The following TSNARE1 variants were observed in gnomAD, a reference collection of about 807,000 sequenced individuals.
TSNARE1 encodes the protein t-SNARE domain-containing protein 1.
A neutral mutation model predicts 62.0 loss-of-function variants in TSNARE1; 49 were observed. The ratio of observed to expected loss-of-function variants is 0.79; its 90% CI spans 0.63 to 1.00. The LOEUF is 1.00. TSNARE1 is among the 50% of genes least tolerant of loss of function. TSNARE1 has a pLI of 0.00. For missense variants in TSNARE1, 755 were observed against 700.1 expected (o/e 1.08, Z -0.88); for synonymous variants, 328 against 294.4 (o/e 1.11, Z -1.17).
At chr8:142,330,763 C>T (rs991454565) in intron 6 of TSNARE1, 138 bp downstream of exon 6, 202 of 805,216 alleles carry the variant, frequency 2.5e-4, no homozygotes, top group East Asian at 5.5e-4. Flanking sequence ...TGCATATGTG[C>T]GCACATGTGT....
At chr8:142,353,416 G>T (rs192717839) in intron 2 of TSNARE1, among the ~76,000 whole-genome samples, 1 of 152,162 alleles carries the variant, frequency 6.6e-6, no homozygotes, top group Non-Finnish European at 1.5e-5. Context: ...AGGCCAGCCC[G>T]GCACTCCCAG....
intron 10 of TSNARE1, among the ~76,000 whole-genome samples, chr8:142,285,006 T>G (rs1021030630): frequency 6.6e-6 from 1 of 152,222 alleles, no homozygotes; most frequent in Non-Finnish European, 1.5e-5. Flanking sequence ...ACACAGGCAC[T>G]GCTCAGCAAA....
chr8:142,222,193 T>G (rs1411571933), intron 13 of TSNARE1, among the ~76,000 whole-genome samples: 1 of 58,140 alleles, frequency 1.7e-5, no homozygotes, highest in Admixed American at 1.6e-4. Flanking sequence ...CACTCACTCA[T>G]TCACTCACTC....
At chr8:142,256,632 C>G (rs1049741698) in intron 12 of TSNARE1, among the ~76,000 whole-genome samples, 9 of 151,384 alleles carry the variant, frequency 5.9e-5, no homozygotes, top group Non-Finnish European at 1.2e-4. Flanking sequence ...ACCACCACCA[C>G]AATCAGCAGA....
chr8:142,351,903 CA>C (rs1348888347), intron 2 of TSNARE1, among the ~76,000 whole-genome samples: 1 of 152,228 alleles, frequency 6.6e-6, no homozygotes, highest in Non-Finnish European at 1.5e-5. Flanking sequence ...CACCCCACCT[CA>C]CACCGTAAAC....
chr8:142,228,520 G>A (rs530721432), intron 13 of TSNARE1, among the ~76,000 whole-genome samples: 131 of 152,318 alleles, frequency 8.6e-4, no homozygotes, highest in African/African-American at 2.8e-3. Flanking sequence ...TCTCCGGTCC[G>A]AATGCACACT....
At chr8:142,335,450 T>C (rs1563936919) in intron 4 of TSNARE1, among the ~76,000 whole-genome samples, 1 of 152,158 alleles carries the variant, frequency 6.6e-6, no homozygotes, top group Non-Finnish European at 1.5e-5. Flanking sequence ...CAGGACATGA[T>C]ACGGTGCTAC....
intron 1 of TSNARE1, among the ~76,000 whole-genome samples, chr8:142,357,262 T>C (rs1206440155): frequency 6.6e-6 from 1 of 152,150 alleles, no homozygotes; most frequent in Non-Finnish European, 1.5e-5. Flanking sequence ...ACAAGCCGTC[T>C]TGGGTGAGGG....
chr8:142,222,688 TCACTCACTCATC>T (rs1816419559), intron 13 of TSNARE1, among the ~76,000 whole-genome samples: 2 of 59,986 alleles, frequency 3.3e-5, no homozygotes, highest in African/African-American at 9.8e-5. Flanking sequence ...ACTCATCCAC[TCACTCACTCATC>T]CACTCACTCA....
intron 12 of TSNARE1, chr8:142,271,754 A>G (rs1819586058): frequency 8.2e-7 from 1 of 1,223,486 alleles, no homozygotes; most frequent in Non-Finnish European, 1.1e-6. Context: ...CTGGAGGGTG[A>G]GCAGGGTGCA....
chr8:142,317,302 G>T (rs1398456300), intron 7 of TSNARE1, among the ~76,000 whole-genome samples: 1 of 135,036 alleles, frequency 7.4e-6, no homozygotes, highest in African/African-American at 2.8e-5. Flanking sequence ...AGCGGGTATG[G>T]CCAGCGGCTC....
intron 10 of TSNARE1, among the ~76,000 whole-genome samples, chr8:142,287,738 G>T (rs1446668137): frequency 7.1e-6 from 1 of 141,732 alleles, no homozygotes; most frequent in Admixed American, 7.1e-5. Flanking sequence ...AGGGACAGTG[G>T]GCCGCCCTCC....
intron 1 of TSNARE1, among the ~76,000 whole-genome samples, chr8:142,382,566 C>T (rs1165508591): frequency 6.6e-6 from 1 of 152,162 alleles, no homozygotes; most frequent in African/African-American, 2.4e-5. Flanking sequence ...TCATGCTGTG[C>T]CCTCAGGCAG....
chr8:142,354,553 G>A, intron 2 of TSNARE1, 84 bp downstream of exon 2: 1 of 953,590 alleles, frequency 1.0e-6, no homozygotes, highest in Non-Finnish European at 1.6e-6. Flanking sequence ...CTGGTTTCCA[G>A]CCATCAGCAT....
chr8:142,278,748 C>T (rs934299951), intron 11 of TSNARE1: 5 of 985,296 alleles, frequency 5.1e-6, no homozygotes, highest in Non-Finnish European at 4.8e-6. Flanking sequence ...GGGGGCACAG[C>T]GTGCCTGACA....
At chr8:142,358,722 G>A (rs991993700) in intron 1 of TSNARE1, among the ~76,000 whole-genome samples, 5 of 151,002 alleles carry the variant, frequency 3.3e-5, no homozygotes, top group African/African-American at 4.9e-5. Flanking sequence ...GCCTATTCAC[G>A]GCCCCGCCCA....
At chr8:142,292,300 T>C (rs930504614) in intron 10 of TSNARE1, among the ~76,000 whole-genome samples, 1 of 152,142 alleles carries the variant, frequency 6.6e-6, no homozygotes, top group Non-Finnish European at 1.5e-5. Context: ...ACCCACGAGC[T>C]TCCCCCGTGG....
intron 10 of TSNARE1, among the ~76,000 whole-genome samples, chr8:142,293,401 G>A (rs9644546): frequency 0.24 from 36,423 of 152,226 alleles, 4,932 homozygotes; most frequent in African/African-American, 0.36. Context: ...CCTGGCGCGG[G>A]TTCTTCCCAG....
intron 1 of TSNARE1, among the ~76,000 whole-genome samples, chr8:142,392,946 A>C (rs1837641654): frequency 7.0e-6 from 1 of 142,708 alleles, no homozygotes; most frequent in Non-Finnish European, 1.5e-5. Flanking sequence ...AAGGAGAAAA[A>C]GAAAAAAAAA....
Sources: gnomAD v4.1 joint callset for allele counts (sites outside exome capture counted in the v4.1 genomes callset) on GRCh38, gnomAD v4.1.1 for gene constraint, MANE v1.5 for transcripts, NCBI Gene and HGNC (gene_info 2026-07-23, HGNC 2026-07-21) for gene names.